The following ESRRG variants were observed in gnomAD, a reference collection of about 807,000 sequenced individuals.
ESRRG encodes estrogen-related receptor gamma.
In ESRRG, 13 loss-of-function variants were observed where a neutral mutation model predicts 44.0. That is an observed-to-expected ratio of 0.30 (90% CI 0.19 to 0.47). The LOEUF (loss-of-function observed/expected upper bound fraction) is 0.47. Among genes scored for constraint, ESRRG ranks in the 20% least tolerant of loss-of-function variants. ESRRG has a pLI of 1.00. For synonymous variants in ESRRG, 215 were observed against 214.6 expected (o/e 1.00, Z -0.02); for missense variants, 395 against 580.6 (o/e 0.68, Z 3.29).
At chr1:216,877,601 T>G (rs2096377814) in intron 2 of ESRRG, among the ~76,000 whole-genome samples, 1 of 152,040 alleles carries the variant, frequency 6.6e-6, no homozygotes, top group Non-Finnish European at 1.5e-5. Flanking sequence ...GAGACAGGGT[T>G]TCACCATATT....
At chr1:216,861,722 C>T (rs1315460595) in intron 2 of ESRRG, among the ~76,000 whole-genome samples, 2 of 151,984 alleles carry the variant, frequency 1.3e-5, no homozygotes, top group South Asian at 2.1e-4. Flanking sequence ...AAAATGTATA[C>T]TCTTTAAAAG....
chr1:216,553,475 T>G (rs1435855905), intron 5 of ESRRG, among the ~76,000 whole-genome samples: 1 of 152,164 alleles, frequency 6.6e-6, no homozygotes, highest in Non-Finnish European at 1.5e-5. Flanking sequence ...CTTTTCCCCT[T>G]CTGGACTTTC....
chr1:216,883,399 A>G (rs865965549), intron 2 of ESRRG, among the ~76,000 whole-genome samples: 2,635 of 145,752 alleles, frequency 0.018, 40 homozygotes, highest in African/African-American at 0.023. Flanking sequence ...AAAAAAAAAA[A>G]AAAAAAAAAA....
chr1:216,514,357 A>T (rs1279049985), intron 6 of ESRRG, among the ~76,000 whole-genome samples: 1 of 152,102 alleles, frequency 6.6e-6, no homozygotes, highest in Non-Finnish European at 1.5e-5. Context: ...ACCTGATAGT[A>T]TTACTTATGG....
At chr1:216,991,978 C>T (rs185213888) in intron 1 of ESRRG, among the ~76,000 whole-genome samples, 19 of 152,324 alleles carry the variant, frequency 1.2e-4, no homozygotes, top group African/African-American at 4.3e-4. Context: ...GATTTTTCAT[C>T]CCTAACCTTT....
intron 1 of ESRRG, among the ~76,000 whole-genome samples, chr1:217,046,550 A>G (rs550524347): frequency 1.3e-5 from 2 of 152,328 alleles, no homozygotes; most frequent in South Asian, 2.1e-4. Context: ...AAGTAATAAT[A>G]AAGTTGATTT....
At chr1:216,837,105 T>TG (rs1440660204) in intron 2 of ESRRG, among the ~76,000 whole-genome samples, 1 of 151,026 alleles carries the variant, frequency 6.6e-6, no homozygotes, top group Non-Finnish European at 1.5e-5. Context: ...TATATTCTAT[T>TG]TTTTTTTTAA....
chr1:216,824,256 G>C (rs559124913), intron 2 of ESRRG, among the ~76,000 whole-genome samples: 1 of 152,212 alleles, frequency 6.6e-6, no homozygotes, highest in Non-Finnish European at 1.5e-5. Context: ...AGACCAGCCT[G>C]ACCAACATGG....
At chr1:216,639,908 T>G (rs1445684166) in intron 3 of ESRRG, among the ~76,000 whole-genome samples, 1 of 152,204 alleles carries the variant, frequency 6.6e-6, no homozygotes, top group African/African-American at 2.4e-5. Flanking sequence ...ATAGCAGAAG[T>G]CCTGACATTC....
rs758561820 is a variant in ESRRG, at chr1:216,707,417, A to G, written c.56+15827T>C. The G allele has an allele frequency of 1.0e-5, 16 of 1,535,926 alleles. No homozygotes were observed. The South Asian group carries it at 1.5e-4, about 15-fold the overall frequency. ...TTGACTGCTCCAAGACCCCAATCACATTCTCGCCACATTCAGGATCTAAAT... is the reference window on the plus strand; with the variant it reads ...TTGACTGCTCCAAGACCCCAATCACGTTCTCGCCACATTCAGGATCTAAAT... On this transcript the variant is annotated intron_variant, in intron 1 of 6. Coordinates refer to ENST00000408911, the MANE Select transcript of ESRRG (RefSeq NM_001438.4).
chr1:216,581,790 G>C (rs1199390659), intron 3 of ESRRG, among the ~76,000 whole-genome samples: 1 of 152,182 alleles, frequency 6.6e-6, no homozygotes, highest in Admixed American at 6.5e-5. Flanking sequence ...TGAGTTCAGT[G>C]TTATCAGAGT....
At chr1:216,689,433 G>A (rs1384382628) in intron 1 of ESRRG, among the ~76,000 whole-genome samples, 1 of 152,110 alleles carries the variant, frequency 6.6e-6, no homozygotes, top group East Asian at 1.9e-4. Context: ...TAATTGGAGA[G>A]ACTGTGATAT....
chr1:216,713,175 T>C (rs1483553373), intron 1 of ESRRG, among the ~76,000 whole-genome samples: 1 of 152,170 alleles, frequency 6.6e-6, no homozygotes, highest in Non-Finnish European at 1.5e-5. Context: ...CGCCAAATTA[T>C]TTGTAGGCGT....
intron 2 of ESRRG, among the ~76,000 whole-genome samples, chr1:216,749,763 A>C (rs2091823007): frequency 6.6e-6 from 1 of 152,144 alleles, no homozygotes; most frequent in Admixed American, 6.6e-5. Flanking sequence ...TACGCAAAGG[A>C]GAAAACTAGA....
chr1:216,990,820 A>G (rs921450565), intron 1 of ESRRG, among the ~76,000 whole-genome samples: 1 of 152,206 alleles, frequency 6.6e-6, no homozygotes, highest in African/African-American at 2.4e-5. Flanking sequence ...GTAGGCTGTT[A>G]GTAGTTAAGT....
chr1:216,506,407 C>T lies in ESRRG; in HGVS notation c.*532G>A, dbSNP rs1354653979. On this transcript the variant is annotated 3_prime_UTR_variant, in exon 7 of 7. Transcript: ENST00000408911. The stretch of plus-strand genomic sequence containing the variant: ...TTAGAGACCTCTTTTAAAAGTTCAG[C>T]AGCAGAAGGAAGAAAAAGAAAGATG... 3.3e-6 allele frequency: 1 copy of T among 302,522 alleles called. No individual in the cohort carries two copies. Among genetic ancestry groups the T allele is most frequent in the Non-Finnish European group, 6.4e-6 (1 of 156,300 alleles). The allele number at this position is 302,522 out of a possible 1,614,324, so 18.7% of individuals were successfully genotyped here. A position where few individuals can be genotyped will look rare whatever the true frequency, so the allele number is the denominator to read the frequency against.
intron 2 of ESRRG, among the ~76,000 whole-genome samples, chr1:216,785,691 CTGTT>C (rs2094103327): frequency 6.6e-6 from 1 of 152,042 alleles, no homozygotes; most frequent in Admixed American, 6.6e-5. Flanking sequence ...AAGAAAATCA[CTGTT>C]TGTTTTTTTT....
At chr1:217,081,353 G>A (rs1318142963) in intron 1 of ESRRG, among the ~76,000 whole-genome samples, 1 of 139,436 alleles carries the variant, frequency 7.2e-6, no homozygotes, top group African/African-American at 2.7e-5. Context: ...TCAGCCTCCC[G>A]AGTAGCTGGG....
intron 1 of ESRRG, among the ~76,000 whole-genome samples, chr1:216,960,342 G>A (rs2068784471): frequency 6.6e-6 from 1 of 152,058 alleles, no homozygotes; most frequent in Non-Finnish European, 1.5e-5. Flanking sequence ...AGCTACCTGT[G>A]GACCCTTCCT....
Sources: gnomAD v4.1 joint callset for allele counts (sites outside exome capture counted in the v4.1 genomes callset) on GRCh38, gnomAD v4.1.1 for gene constraint, MANE v1.5 for transcripts, NCBI Gene and HGNC (gene_info 2026-07-23, HGNC 2026-07-21) for gene names.